XYLT1: variants seen among roughly 807,000 people sequenced by gnomAD.
The protein encoded by XYLT1 is xylosyltransferase 1.
In XYLT1, 36 loss-of-function variants were observed where a neutral mutation model predicts 91.3. The observed-to-expected ratio is 0.39, with a 90% confidence interval of 0.30 to 0.52. The LOEUF is 0.52. XYLT1 is among the 20% of genes least tolerant of loss of function. The pLI, the probability that XYLT1 is intolerant of heterozygous loss-of-function variation, is 0.68. For synonymous variants in XYLT1, 588 were observed against 532.0 expected, an observed-to-expected ratio of 1.11 and a Z score of -1.45; for missense variants, 1,242 against 1,284.5, an observed-to-expected ratio of 0.97 and a Z score of 0.51.
intron 1 of XYLT1, among the ~76,000 whole-genome samples, chr16:17,454,910 C>T (rs1274482696): frequency 5.6e-5 from 4 of 71,322 alleles, no homozygotes; most frequent in African/African-American, 8.8e-5. Context: ...TCCTCCCCCC[C>T]CCGCCCCCCC....
chr16:17,350,120 T>C (rs940424107), intron 2 of XYLT1, among the ~76,000 whole-genome samples: 5 of 152,122 alleles, frequency 3.3e-5, no homozygotes, highest in African/African-American at 1.2e-4. Flanking sequence ...GTGATCCGCC[T>C]GCCTCGGCCT....
chr16:17,119,478 G>A (rs74010704), intron 10 of XYLT1, among the ~76,000 whole-genome samples: 5,337 of 152,308 alleles, frequency 0.035, 313 homozygotes, highest in African/African-American at 0.12. Context: ...AAGGTCGGGT[G>A]TGGATACACA....
intron 8 of XYLT1, among the ~76,000 whole-genome samples, chr16:17,137,363 C>T (rs540707741): frequency 6.6e-6 from 1 of 152,336 alleles, no homozygotes; most frequent in African/African-American, 2.4e-5. Context: ...TCAAGGGCAC[C>T]TTGGCTGGGT....
rs1224256238 is a variant in XYLT1, at chr16:17,134,602, T to G, written c.1898A>C (p.Asn633Thr). 1 of 1,614,104 alleles carries G rather than the reference T, an allele frequency of 6.2e-7. No homozygotes were observed. Among genetic ancestry groups the G allele is most frequent in the Non-Finnish European group, 8.5e-7 (1 of 1,180,046 alleles). The change falls in exon 9 of 12, where the codon AAT becomes ACT. Residue 633 changes from asparagine to threonine, a missense_variant. Asn to Thr is a moderately conservative substitution (Grantham distance 65). Transcript: ENST00000261381. ...GTPGLRSYWE[N>T]VYDEPDGIHS... ...GATGCCGTCAGGCTCATCGTAGACA[T>G]TCTCCCAGTAGGAGCGCAGGCCCGG...
intron 2 of XYLT1, among the ~76,000 whole-genome samples, chr16:17,347,190 C>T (rs1192748970): frequency 3.3e-5 from 5 of 152,116 alleles, no homozygotes; most frequent in Non-Finnish European, 7.4e-5. Flanking sequence ...GAGGTGTGAC[C>T]GAGAACCAAG....
At chr16:17,143,740 C>T (rs904834905) in intron 6 of XYLT1, among the ~76,000 whole-genome samples, 10 of 152,108 alleles carry the variant, frequency 6.6e-5, no homozygotes, top group African/African-American at 2.4e-4. Flanking sequence ...CCATTACCAT[C>T]ATCACAATTT....
chr16:17,306,664 G>A (rs2034476306), intron 2 of XYLT1, among the ~76,000 whole-genome samples: 3 of 151,946 alleles, frequency 2.0e-5, no homozygotes, highest in Non-Finnish European at 2.9e-5. Flanking sequence ...AACTGGATAT[G>A]AATAAATTTC....
intron 2 of XYLT1, among the ~76,000 whole-genome samples, chr16:17,343,979 C>T (rs2141849439): frequency 6.6e-6 from 1 of 152,332 alleles, no homozygotes; most frequent in South Asian, 2.1e-4. Flanking sequence ...CGTCTCATTA[C>T]AGTCAACGGG....
intron 10 of XYLT1, among the ~76,000 whole-genome samples, chr16:17,123,905 T>A (rs1333349029): frequency 6.6e-6 from 1 of 152,248 alleles, no homozygotes; most frequent in Non-Finnish European, 1.5e-5. Flanking sequence ...TTGTCTTTTT[T>A]AATTGCTGTT....
At chr16:17,431,656 C>T (rs1304150495) in intron 1 of XYLT1, among the ~76,000 whole-genome samples, 1 of 152,180 alleles carries the variant, frequency 6.6e-6, no homozygotes, top group African/African-American at 2.4e-5. Context: ...TTTTAACCAC[C>T]GCTGTGCATT....
chr16:17,136,595 G>T (rs950944972), intron 8 of XYLT1, among the ~76,000 whole-genome samples: 6 of 151,968 alleles, frequency 3.9e-5, no homozygotes, highest in Admixed American at 3.9e-4. Context: ...ATTATCACCA[G>T]CCCCTTGTTA....
intron 3 of XYLT1, among the ~76,000 whole-genome samples, chr16:17,207,824 G>A (rs1018501322): frequency 6.6e-6 from 1 of 152,082 alleles, no homozygotes; most frequent in African/African-American, 2.4e-5. Context: ...TGTGAACTGG[G>A]GGTCATGGGG....
chr16:17,469,611 G>C (rs1488473580), intron 1 of XYLT1, among the ~76,000 whole-genome samples: 1 of 152,184 alleles, frequency 6.6e-6, no homozygotes, highest in Non-Finnish European at 1.5e-5. Context: ...AACAGTTTCA[G>C]AGCCCTGACT....
chr16:17,272,782 G>A (rs1052749179), intron 2 of XYLT1, among the ~76,000 whole-genome samples: 3 of 152,212 alleles, frequency 2.0e-5, no homozygotes, highest in Non-Finnish European at 4.4e-5. Flanking sequence ...TCTGCACGCG[G>A]TGACACTGCT....
intron 3 of XYLT1, among the ~76,000 whole-genome samples, chr16:17,221,218 CTGAT>C (rs1406163881): frequency 2.0e-5 from 3 of 152,214 alleles, no homozygotes; most frequent in African/African-American, 7.2e-5. Flanking sequence ...GGGAAGCTGA[CTGAT>C]TGGCAAAAAA....
chr16:17,195,249 T>A (rs1358501225), intron 5 of XYLT1, among the ~76,000 whole-genome samples: 2 of 152,128 alleles, frequency 1.3e-5, no homozygotes, highest in African/African-American at 4.8e-5. Context: ...GAATTATCCA[T>A]CCCCAAACAT....
At chr16:17,261,218 G>C (rs894759684) in intron 2 of XYLT1, among the ~76,000 whole-genome samples, 2 of 146,612 alleles carry the variant, frequency 1.4e-5, no homozygotes, top group African/African-American at 5.2e-5. Context: ...ATTCCAGCCT[G>C]GGGGGAGAGT....
chr16:17,325,777 C>T (rs897880716), intron 2 of XYLT1, among the ~76,000 whole-genome samples: 1 of 152,176 alleles, frequency 6.6e-6, no homozygotes, highest in Non-Finnish European at 1.5e-5. Flanking sequence ...TGGCTACTTA[C>T]TCTGTGTCTA....
At chr16:17,153,632 C>T (rs566029031) in intron 6 of XYLT1, among the ~76,000 whole-genome samples, 9 of 152,204 alleles carry the variant, frequency 5.9e-5, no homozygotes, top group East Asian at 3.9e-4. Flanking sequence ...TAGCCTTATT[C>T]GAAGCATAAT....
Sources: gnomAD v4.1 joint callset for allele counts (sites outside exome capture counted in the v4.1 genomes callset) on GRCh38, gnomAD v4.1.1 for gene constraint, MANE v1.5 for transcripts, NCBI Gene and HGNC (gene_info 2026-07-23, HGNC 2026-07-21) for gene names.